SLC44A5: variants seen among roughly 807,000 people sequenced by gnomAD.
SLC44A5 encodes the protein solute carrier family 44 member 5.
Under a neutral mutation model 101.8 loss-of-function variants are expected in SLC44A5, and 57 were observed. The observed-to-expected ratio is 0.56, with a 90% CI of 0.45 to 0.70. The LOEUF is 0.70. SLC44A5 is among the 30% of genes least tolerant of loss of function. The probability of loss-of-function intolerance (pLI) is 0.00; values close to 1 mark genes in which losing one functional copy is unlikely to be tolerated. For missense variants in SLC44A5, 737 were observed against 853.1 expected, an observed-to-expected ratio of 0.86 and a Z score of 1.70; for synonymous variants, 281 against 290.9, an observed-to-expected ratio of 0.97 and a Z score of 0.35.
the SLC44A5 span, among the ~76,000 whole-genome samples, chr1:75,676,473 G>A: frequency 9.2e-5 from 14 of 152,198 alleles, no homozygotes; most frequent in African/African-American, 3.1e-4. Flanking sequence ...AACACTGCAT[G>A]TTCCCACTTA....
intron 1 of SLC44A5, chr1:75,582,125 C>A: frequency 1.3e-6 from 1 of 740,914 alleles, no homozygotes. Flanking sequence ...ACACCACACA[C>A]AACTGGTCCC....
the SLC44A5 span, among the ~76,000 whole-genome samples, chr1:75,663,299 C>T: frequency 4.6e-5 from 7 of 152,050 alleles, no homozygotes; most frequent in Admixed American, 2.6e-4. Flanking sequence ...ATGAAAGGGA[C>T]CTCAGCATTC....
intron 1 of SLC44A5, among the ~76,000 whole-genome samples, chr1:75,602,578 T>A (rs1265765661): frequency 1.3e-5 from 2 of 152,082 alleles, no homozygotes; most frequent in Non-Finnish European, 2.9e-5. Flanking sequence ...GGTCCTCCTT[T>A]AGTCACCAAT....
At position 75,203,836 on chromosome 1, in the gene SLC44A5, A is replaced by G; in HGVS notation, c.2048-3T>C. ...ATCATTTCTTTCTAAATCTTCCACT[A>G]GGAGGAAGAATGGTACAGAGTAAAT... On this transcript the variant is annotated splice_region_variant and splice_polypyrimidine_tract_variant and intron_variant, in intron 23 of 23. Coordinates refer to ENST00000370859, the MANE Select transcript of SLC44A5 (RefSeq NM_001130058.2). 6.5e-7 allele frequency: 1 copy of G among 1,548,090 alleles called. No homozygotes were observed. The highest frequency in any genetic ancestry group is 8.7e-7 in the Non-Finnish European group (1 of 1,145,306).
chr1:75,332,140 C>T (rs1456407382), intron 4 of SLC44A5, among the ~76,000 whole-genome samples: 2 of 152,112 alleles, frequency 1.3e-5, no homozygotes, highest in African/African-American at 4.8e-5. Context: ...AAAAGATGCT[C>T]TATGAAAAAT....
At chr1:75,329,485 C>T (rs183092210) in intron 4 of SLC44A5, among the ~76,000 whole-genome samples, 9 of 151,762 alleles carry the variant, frequency 5.9e-5, no homozygotes, top group South Asian at 2.1e-4. Flanking sequence ...TCATTTTACT[C>T]TGTTCCCCGA....
At chr1:75,415,605 T>C (rs1043735280) in intron 2 of SLC44A5, among the ~76,000 whole-genome samples, 5 of 151,988 alleles carry the variant, frequency 3.3e-5, no homozygotes, top group Admixed American at 3.3e-4. Flanking sequence ...CAGGCAGAGG[T>C]TGAAACAGTT....
rs1276119473 is a variant in SLC44A5 at position 75,222,501 on chromosome 1, G to C, written c.986-41C>G. On this transcript the variant is annotated intron_variant, in intron 13 of 23. Coordinates refer to ENST00000370859, the MANE Select transcript of SLC44A5 (RefSeq NM_001130058.2). ...AAAAAATCAGTCTGTAATACAAGTA[G>C]ATACGGAAACAAACCTTCCCTGCAA... 8 of 1,277,816 alleles carry C rather than the reference G, an allele frequency of 6.3e-6. No homozygotes were observed. In the African/African-American group the frequency reaches 7.3e-5, roughly 12 times the overall value. 79.2% of individuals were successfully genotyped at this position (1,277,816 alleles called of 1,614,324 possible). A position where few individuals can be genotyped will look rare whatever the true frequency, so the allele number is the denominator to read the frequency against.
chr1:75,496,236 ATAC>A (rs1668666316), intron 2 of SLC44A5, among the ~76,000 whole-genome samples: 1 of 152,154 alleles, frequency 6.6e-6, no homozygotes, highest in South Asian at 2.1e-4. Context: ...AAACAAGATG[ATAC>A]TAGTATAAAA....
the SLC44A5 span, among the ~76,000 whole-genome samples, chr1:75,683,618 AG>A: frequency 6.6e-6 from 1 of 151,992 alleles, no homozygotes; most frequent in African/African-American, 2.4e-5. Flanking sequence ...AGGTGGCGGA[AG>A]GGGGGAGGGA....
intron 4 of SLC44A5, among the ~76,000 whole-genome samples, chr1:75,301,289 C>T (rs1654432180): frequency 6.6e-6 from 1 of 152,130 alleles, no homozygotes. Flanking sequence ...AAATCTGACT[C>T]ACAGAGAGTC....
the SLC44A5 span, among the ~76,000 whole-genome samples, chr1:75,682,028 C>G: frequency 1.3e-5 from 2 of 152,072 alleles, no homozygotes; most frequent in Admixed American, 1.3e-4. Flanking sequence ...AATAAAATAC[C>G]TAGGAATCCA....
intron 1 of SLC44A5, among the ~76,000 whole-genome samples, chr1:75,590,108 G>C (rs144401647): frequency 6.6e-6 from 1 of 151,918 alleles, no homozygotes; most frequent in Non-Finnish European, 1.5e-5. Context: ...AGGGAGTGCT[G>C]GCATCACCCT....
At chr1:75,584,577 G>GT (rs1200371909) in intron 1 of SLC44A5, among the ~76,000 whole-genome samples, 1 of 151,880 alleles carries the variant, frequency 6.6e-6, no homozygotes, top group African/African-American at 2.4e-5. Context: ...TTTTGTGGGG[G>GT]TTTTTTTGGG....
intron 3 of SLC44A5, among the ~76,000 whole-genome samples, chr1:75,376,126 G>C (rs564061132): frequency 7.2e-5 from 11 of 152,230 alleles, no homozygotes; most frequent in African/African-American, 2.4e-4. Flanking sequence ...GCGCTTTTCC[G>C]ACCGGCTTAA....
chr1:75,276,313 G>A (rs572067482), intron 5 of SLC44A5, among the ~76,000 whole-genome samples: 3 of 152,088 alleles, frequency 2.0e-5, no homozygotes, highest in African/African-American at 4.8e-5. Context: ...TTCAATGTGC[G>A]ATGTCTCCAG....
chr1:75,261,755 G>A (rs560225782), intron 6 of SLC44A5, among the ~76,000 whole-genome samples: 29 of 152,108 alleles, frequency 1.9e-4, no homozygotes, highest in Middle Eastern at 6.8e-3. Flanking sequence ...ACATGGATGC[G>A]AAAATCCTCA....
chr1:75,603,618 C>G (rs1033445126), intron 1 of SLC44A5, among the ~76,000 whole-genome samples: 10 of 151,874 alleles, frequency 6.6e-5, no homozygotes, highest in Admixed American at 6.6e-4. Flanking sequence ...TGCTTATAAG[C>G]ATTCCCATTT....
At chr1:75,681,038 T>C in the SLC44A5 span, among the ~76,000 whole-genome samples, 2 of 150,808 alleles carry the variant, frequency 1.3e-5, no homozygotes, top group African/African-American at 4.9e-5. Flanking sequence ...CCTTGACACA[T>C]ACACTCTCCC....
Sources: allele counts gnomAD v4.1 joint callset (sites outside exome capture counted in the v4.1 genomes callset), GRCh38; gene constraint gnomAD v4.1.1; transcripts MANE v1.5; gene names NCBI Gene and HGNC (gene_info 2026-07-23, HGNC 2026-07-21).